The following GABRA2 variants were observed in gnomAD, a reference collection of about 807,000 sequenced individuals.
GABRA2 encodes gamma-aminobutyric acid type A receptor subunit alpha2.
GABRA2 carries 16 observed loss-of-function variants against 48.7 expected under a neutral mutation model. The observed-to-expected ratio is 0.33, with a 90% CI of 0.22 to 0.50. The LOEUF (loss-of-function observed/expected upper bound fraction) is 0.50, where lower values mean the gene tolerates loss of function less well. GABRA2 is among the 20% of genes least tolerant of loss of function. The pLI is 0.98. For missense variants in GABRA2, 275 were observed against 535.6 expected, an observed-to-expected ratio of 0.51 and a Z score of 4.80; for synonymous variants, 185 against 184.5, an observed-to-expected ratio of 1.00 and a Z score of -0.02.
At chr4:46,304,568 T>C (rs187201829) in intron 7 of GABRA2, among the ~76,000 whole-genome samples, 24 of 152,160 alleles carry the variant, frequency 1.6e-4, no homozygotes, top group African/African-American at 5.1e-4. Flanking sequence ...GTAGTAATTA[T>C]CAACATCAAA....
intron 9 of GABRA2, among the ~76,000 whole-genome samples, chr4:46,251,535 G>A (rs1714757479): frequency 6.6e-6 from 1 of 151,252 alleles, no homozygotes; most frequent in South Asian, 2.1e-4. Context: ...CCTCAGTTTT[G>A]AAAACCTGAT....
At chr4:46,372,497 TAAAG>T (rs1271168311) in intron 3 of GABRA2, among the ~76,000 whole-genome samples, 2 of 152,098 alleles carry the variant, frequency 1.3e-5, no homozygotes, top group East Asian at 3.9e-4. Context: ...TTAAAAAAAA[TAAAG>T]AGTCGATGTT....
At position 46,254,342 on chromosome 4, in the gene GABRA2, A is replaced by G. The variant is rs184684853; in HGVS notation, c.1060-3738T>C. ...TCAGAACCTGAAGAAAAATAGTCCAATGAAACCTTTTGTGTTAATGATTAA... is the reference window on the plus strand; with the variant it reads ...TCAGAACCTGAAGAAAAATAGTCCAGTGAAACCTTTTGTGTTAATGATTAA... On this transcript the variant is annotated intron_variant, in intron 9 of 9. Coordinates refer to ENST00000381620, the MANE Select transcript of GABRA2 (RefSeq NM_000807.4). 8.2e-4 allele frequency among the ~76,000 whole-genome samples: 125 copies of G among 151,716 alleles called. 2 individuals are homozygous for G. Among genetic ancestry groups the G allele is most frequent in the African/African-American group, 2.8e-3 (117 of 41,474 alleles).
intron 3 of GABRA2, chr4:46,368,894 A>G: frequency 1.6e-6 from 1 of 630,356 alleles, no homozygotes; most frequent in Non-Finnish European, 2.9e-6. Context: ...AATCTCCATT[A>G]TGCTCCACTC....
chr4:46,268,271 T>C (rs999355380), intron 8 of GABRA2, among the ~76,000 whole-genome samples: 1 of 151,930 alleles, frequency 6.6e-6, no homozygotes, highest in African/African-American at 2.4e-5. Flanking sequence ...TGTGAATTGG[T>C]AGAAAAAATT....
intron 3 of GABRA2, among the ~76,000 whole-genome samples, chr4:46,381,402 T>C (rs942556757): frequency 6.6e-6 from 1 of 152,186 alleles, no homozygotes; most frequent in African/African-American, 2.4e-5. Flanking sequence ...CTAATCTGCA[T>C]CTACAGTCTT....
chr4:46,289,599 T>A (rs567986587), intron 8 of GABRA2, among the ~76,000 whole-genome samples: 1 of 152,224 alleles, frequency 6.6e-6, no homozygotes, highest in South Asian at 2.1e-4. Flanking sequence ...AACGAATAGG[T>A]ACTAGGCTTA....
chr4:46,362,937 TA>T (rs1713442385), intron 3 of GABRA2, among the ~76,000 whole-genome samples: 1 of 152,214 alleles, frequency 6.6e-6, no homozygotes, highest in Admixed American at 6.5e-5. Flanking sequence ...ATAAAATTTA[TA>T]ATCTACTCAG....
At chr4:46,328,668 G>A (rs1730815771) in intron 4 of GABRA2, among the ~76,000 whole-genome samples, 1 of 151,606 alleles carries the variant, frequency 6.6e-6, no homozygotes, top group Admixed American at 6.6e-5. Context: ...TAGGGTACAT[G>A]TGCACATTGT....
At chr4:46,301,576 G>C (rs1399234772) in intron 8 of GABRA2, among the ~76,000 whole-genome samples, 2 of 152,038 alleles carry the variant, frequency 1.3e-5, no homozygotes, top group Non-Finnish European at 1.5e-5. Flanking sequence ...TAATGTCACT[G>C]CACAATCTAT....
At position 46,309,940 on chromosome 4, in the gene GABRA2, T is replaced by G. The variant is rs1267483431; in HGVS notation, c.559+233A>C. 2.0e-5 allele frequency among the ~76,000 whole-genome samples: 3 copies of G among 152,186 alleles called. No homozygotes were observed. In the East Asian group the frequency reaches 5.8e-4, roughly 29 times the overall value. Reference sequence around the variant, plus strand: ...AACTCCTGGTCTAATTTTACACATGTACTAAAACACATAGTAGTAAAAATA... The same window carrying G: ...AACTCCTGGTCTAATTTTACACATGGACTAAAACACATAGTAGTAAAAATA... On this transcript the variant is annotated intron_variant, in intron 6 of 9. Transcript: ENST00000381620.
At chr4:46,357,588 T>A (rs1736202081) in intron 3 of GABRA2, among the ~76,000 whole-genome samples, 1 of 151,606 alleles carries the variant, frequency 6.6e-6, no homozygotes, top group Non-Finnish European at 1.5e-5. Context: ...GGCACTGTTC[T>A]AGGGTCTGAG....
chr4:46,311,253 A>C (rs1441170066), intron 5 of GABRA2, among the ~76,000 whole-genome samples: 1 of 152,204 alleles, frequency 6.6e-6, no homozygotes, highest in Non-Finnish European at 1.5e-5. Context: ...CCATTTAGGC[A>C]ATGAACATTT....
rs181763016 is a variant in GABRA2, at chr4:46,247,326, C to T, written c.*2982G>A. On this transcript the variant is annotated 3_prime_UTR_variant, in exon 10 of 10. Coordinates refer to ENST00000381620, the MANE Select transcript of GABRA2 (RefSeq NM_000807.4). ...CTAGCACACTAGTGGCATCATAGCT[C>T]ATTAAAGAACTCCCAGTACTAAATT... Among the ~76,000 whole-genome samples the T allele has an allele frequency of 4.6e-5, 7 of 151,174 alleles. No homozygotes were observed. The highest frequency in any genetic ancestry group is 3.3e-4 in the Admixed American group (5 of 15,124).
intron 8 of GABRA2, among the ~76,000 whole-genome samples, chr4:46,274,320 G>A (rs1720072042): frequency 6.6e-6 from 1 of 152,020 alleles, no homozygotes; most frequent in African/African-American, 2.4e-5. Context: ...ACTCTTTACT[G>A]CTAAATTATA....
chr4:46,349,008 A>G (rs1349192568), intron 3 of GABRA2, among the ~76,000 whole-genome samples: 1 of 152,000 alleles, frequency 6.6e-6, no homozygotes, highest in Non-Finnish European at 1.5e-5. Context: ...AGCAGCCAAC[A>G]ACATTCAGTC....
chr4:46,368,212 C>A (rs1248490101), intron 3 of GABRA2: 1 of 152,054 alleles, frequency 6.6e-6, no homozygotes, highest in Non-Finnish European at 1.5e-5. Context: ...GAAACATAAG[C>A]CAGTTAATTC....
chr4:46,377,253 C>T (rs942204354), intron 3 of GABRA2, among the ~76,000 whole-genome samples: 5 of 150,048 alleles, frequency 3.3e-5, no homozygotes, highest in Non-Finnish European at 7.4e-5. Flanking sequence ...AAGTGAGGAG[C>T]ATCTCTGCCC....
At position 46,390,012 on chromosome 4, in the gene GABRA2, G is replaced by A. The variant is rs1354645712; in HGVS notation, c.-288C>T. ...GGGCGGAGGAGGAGGAAGAGGAGGA[G>A]GAGGAAGAGGAGGAGGGGGAAAACG... On this transcript the variant is annotated 5_prime_UTR_variant, in exon 1 of 10. Coordinates refer to ENST00000381620, the MANE Select transcript of GABRA2 (RefSeq NM_000807.4). 10 of 964,796 alleles carry A rather than the reference G, an allele frequency of 1.0e-5. No individual in the cohort carries two copies. The Admixed American group carries it at 3.4e-4, about 33-fold the overall frequency. 59.8% of individuals were successfully genotyped at this position (964,796 alleles called of 1,614,324 possible). A position where few individuals can be genotyped will look rare whatever the true frequency, so the allele number is the denominator to read the frequency against.
Sources: allele counts gnomAD v4.1 joint callset (sites outside exome capture counted in the v4.1 genomes callset), GRCh38; gene constraint gnomAD v4.1.1; transcripts MANE v1.5; gene names NCBI Gene and HGNC (gene_info 2026-07-23, HGNC 2026-07-21).